GALNT13: variants seen among roughly 807,000 people sequenced by gnomAD.
The protein encoded by GALNT13 is polypeptide N-acetylgalactosaminyltransferase 13.
Under a neutral mutation model 64.2 loss-of-function variants are expected in GALNT13, and 28 were observed. The observed-to-expected ratio is 0.44, with a 90% CI of 0.32 to 0.60. The LOEUF is 0.60. Among genes scored for constraint, GALNT13 ranks in the 20% least tolerant of loss-of-function variants. The pLI is 0.05. For synonymous variants in GALNT13, 214 were observed against 224.6 expected, an observed-to-expected ratio of 0.95 and a Z score of 0.42; for missense variants, 577 against 669.8, an observed-to-expected ratio of 0.86 and a Z score of 1.53.
rs115134246 is a variant in GALNT13 at position 153,934,017 on chromosome 2, C to A, written c.-104-10377C>A. Among the ~76,000 whole-genome samples, 830 of 152,156 alleles carry A rather than the reference C, an allele frequency of 5.5e-3. 5 individuals are homozygous for A. The highest frequency in any genetic ancestry group is 0.018 in the African/African-American group (764 of 41,512). On this transcript the variant is annotated intron_variant, in intron 2 of 12. Coordinates refer to ENST00000392825, the MANE Select transcript of GALNT13 (RefSeq NM_052917.4). ...GTCACCTGCCTCTCCTCTCTAGGGG[C>A]CTTTAACATTTTTCTTTCATGTTGA...
At chr2:153,728,707 C>G in the GALNT13 span, among the ~76,000 whole-genome samples, 5 of 151,994 alleles carry the variant, frequency 3.3e-5, no homozygotes, top group African/African-American at 1.2e-4. Context: ...AATCCAGGAG[C>G]TGGTGTTTTG....
the GALNT13 span, among the ~76,000 whole-genome samples, chr2:153,349,218 C>CA: frequency 9.7e-3 from 1,473 of 151,404 alleles, 13 homozygotes; most frequent in Non-Finnish European, 0.017. Context: ...AAACAAAAAA[C>CA]AAAAAAAACC....
chr2:153,285,434 A>G, the GALNT13 span, among the ~76,000 whole-genome samples: 3 of 152,138 alleles, frequency 2.0e-5, no homozygotes, highest in Non-Finnish European at 4.4e-5. Flanking sequence ...ATTTTCTCAC[A>G]CTAGGGAAAA....
At chr2:153,135,681 A>G in the GALNT13 span, among the ~76,000 whole-genome samples, 19 of 152,146 alleles carry the variant, frequency 1.2e-4, no homozygotes, top group East Asian at 5.8e-4. Context: ...CTAAGGAATT[A>G]CTTTTAGGAC....
At chr2:153,864,587 TA>T in the GALNT13 span, among the ~76,000 whole-genome samples, 1 of 152,218 alleles carries the variant, frequency 6.6e-6, no homozygotes, top group Admixed American at 6.5e-5. Context: ...GTTTTCTAGA[TA>T]TATAATCAAC....
the GALNT13 span, among the ~76,000 whole-genome samples, chr2:153,203,332 T>A: frequency 6.6e-6 from 1 of 152,242 alleles, no homozygotes; most frequent in Non-Finnish European, 1.5e-5. Flanking sequence ...ATTTTCTGAC[T>A]GTTATAAATT....
At chr2:153,844,704 T>C in the GALNT13 span, among the ~76,000 whole-genome samples, 1 of 152,264 alleles carries the variant, frequency 6.6e-6, no homozygotes, top group African/African-American at 2.4e-5. Flanking sequence ...CTCTGCTTCC[T>C]GTTTAAACAT....
chr2:154,060,163 A>C (rs1700100563), intron 3 of GALNT13, among the ~76,000 whole-genome samples: 1 of 152,096 alleles, frequency 6.6e-6, no homozygotes, highest in Non-Finnish European at 1.5e-5. Flanking sequence ...TAGGAATTGA[A>C]TTTCTAGCTC....
rs185495055 is a variant in GALNT13, at chr2:153,883,528, C to T, written c.-177+11225C>T. On this transcript the variant is annotated intron_variant, in intron 1 of 12. Transcript: ENST00000392825. ...AAATATAACCTTTCTTGAAAAGTTA[C>T]TCCAGGTTGAACCTCAGCAAACTAT... 8.5e-5 allele frequency among the ~76,000 whole-genome samples: 13 copies of T among 152,094 alleles called. No individual in the cohort carries two copies. The East Asian group carries it at 1.7e-3, about 20-fold the overall frequency.
chr2:153,871,439 T>A (rs1223089800), upstream of GALNT13, among the ~76,000 whole-genome samples: 1 of 151,740 alleles, frequency 6.6e-6, no homozygotes, highest in Non-Finnish European at 1.5e-5. Flanking sequence ...CCCCGCAGCA[T>A]CTCTCGGCTG....
At chr2:153,791,408 T>C in the GALNT13 span, among the ~76,000 whole-genome samples, 2 of 152,214 alleles carry the variant, frequency 1.3e-5, no homozygotes, top group Middle Eastern at 3.4e-3. Flanking sequence ...ACCAACCTAA[T>C]ATTAAAAAGT....
the GALNT13 span, among the ~76,000 whole-genome samples, chr2:153,176,009 G>C: frequency 1.3e-5 from 2 of 152,156 alleles, no homozygotes; most frequent in Admixed American, 1.3e-4. Flanking sequence ...ATGGGAGAGA[G>C]AGGGAGTGAA....
chr2:153,831,121 G>A, the GALNT13 span, among the ~76,000 whole-genome samples: 7 of 152,060 alleles, frequency 4.6e-5, no homozygotes, highest in Admixed American at 4.6e-4. Flanking sequence ...TTGGAGTATC[G>A]TTTCTCATGC....
chr2:153,309,659 C>G, the GALNT13 span, among the ~76,000 whole-genome samples: 2 of 151,992 alleles, frequency 1.3e-5, no homozygotes, highest in Non-Finnish European at 2.9e-5. Context: ...ATCTCTGAGA[C>G]CTCTTTTCTT....
At chr2:154,125,425 TG>T (rs980410632) in intron 3 of GALNT13, among the ~76,000 whole-genome samples, 110 of 152,314 alleles carry the variant, frequency 7.2e-4, no homozygotes, top group African/African-American at 2.5e-3. Flanking sequence ...AACAAATACT[TG>T]TTGAATTGAA....
At chr2:153,364,560 C>T in the GALNT13 span, among the ~76,000 whole-genome samples, 3 of 152,082 alleles carry the variant, frequency 2.0e-5, no homozygotes, top group African/African-American at 7.2e-5. Context: ...AATCAATGTG[C>T]AAAAATCACA....
the GALNT13 span, among the ~76,000 whole-genome samples, chr2:153,575,050 T>G: frequency 6.6e-6 from 1 of 152,198 alleles, no homozygotes; most frequent in Non-Finnish European, 1.5e-5. Context: ...TTGAGTGTTG[T>G]GAACTAAGCT....
At chr2:154,382,787 G>GTTT (rs11307476) in intron 9 of GALNT13, among the ~76,000 whole-genome samples, 4 of 149,662 alleles carry the variant, frequency 2.7e-5, no homozygotes, top group African/African-American at 9.8e-5. Context: ...CTCTTAAAAC[G>GTTT]TTTTTTTTTT....
At chr2:153,342,016 T>C in the GALNT13 span, among the ~76,000 whole-genome samples, 1 of 152,166 alleles carries the variant, frequency 6.6e-6, no homozygotes, top group Non-Finnish European at 1.5e-5. Flanking sequence ...CCTTAAACTT[T>C]AACCTGTCTG....
Sources: allele counts gnomAD v4.1 joint callset (sites outside exome capture counted in the v4.1 genomes callset), GRCh38; gene constraint gnomAD v4.1.1; transcripts MANE v1.5; gene names NCBI Gene and HGNC (gene_info 2026-07-23, HGNC 2026-07-21).